The following GRK3 variants were observed in gnomAD, a reference collection of about 807,000 sequenced individuals.
The protein encoded by GRK3 is G protein-coupled receptor kinase 3.
GRK3 carries 54 observed loss-of-function variants against 95.7 expected under a neutral mutation model. The observed-to-expected ratio is 0.56, with a 90% CI of 0.45 to 0.71. The LOEUF is 0.71. Ranked by LOEUF, GRK3 falls within the 30% of genes least tolerant of loss-of-function variation. The pLI is 0.00. For missense variants in GRK3, 649 were observed against 851.2 expected (o/e 0.76, Z 2.96); for synonymous variants, 281 against 290.8 (o/e 0.97, Z 0.34).
At position 25,718,948 on chromosome 22, in the gene GRK3, A is replaced by G. The variant is rs554042312; in HGVS notation, c.1791+567A>G. Among the ~76,000 whole-genome samples, 40 of 152,358 alleles carry G rather than the reference A, an allele frequency of 2.6e-4. 1 individual carries two copies. The highest frequency in any genetic ancestry group is 2.2e-3 in the Admixed American group (34 of 15,308). On this transcript the variant is annotated intron_variant, in intron 19 of 20. Coordinates refer to ENST00000324198, the MANE Select transcript of GRK3 (RefSeq NM_005160.4). Reference sequence around the variant, plus strand: ...ATACAGAAAAAAAACAACACAGTCTAACGACTGTTTACATAGCATTTACGT... The same window carrying G: ...ATACAGAAAAAAAACAACACAGTCTGACGACTGTTTACATAGCATTTACGT...
At position 25,724,115 on chromosome 22, in the gene GRK3, A is replaced by AACACACACACACACACAC. The variant is rs60731107; in HGVS notation, c.*1684_*1701dup. ...AAGAATAGTATTCAAATTCTGTTGAAACACACACACACACACACACACACA... is the reference window on the plus strand; with the variant it reads ...AAGAATAGTATTCAAATTCTGTTGAAACACACACACACACACACACACACACACACACACACACACACA... On this transcript the variant is annotated 3_prime_UTR_variant, in exon 21 of 21. Coordinates refer to ENST00000324198, the MANE Select transcript of GRK3 (RefSeq NM_005160.4). 2.4e-4 allele frequency: 35 copies of AACACACACACACACACAC among 144,652 alleles called. No homozygotes were observed. The highest frequency in any genetic ancestry group is 8.6e-4 in the African/African-American group (34 of 39,410). 9.0% of individuals were successfully genotyped at this position (144,652 alleles called of 1,614,324 possible). A position where few individuals can be genotyped will look rare whatever the true frequency, so the allele number is the denominator to read the frequency against.
intron 13 of GRK3, among the ~76,000 whole-genome samples, chr22:25,696,074 A>G (rs1394694325): frequency 6.6e-6 from 1 of 152,012 alleles, no homozygotes; most frequent in Non-Finnish European, 1.5e-5. Context: ...TGACTGGGTG[A>G]TCCGCCTGCC....
chr22:25,617,221 T>G (rs964147213), intron 2 of GRK3, among the ~76,000 whole-genome samples: 4 of 152,230 alleles, frequency 2.6e-5, no homozygotes, highest in African/African-American at 9.7e-5. Flanking sequence ...AATTTGCTCT[T>G]TAGGAATTCA....
At chr22:25,683,679 G>T (rs931075605) in intron 9 of GRK3, among the ~76,000 whole-genome samples, 1 of 152,058 alleles carries the variant, frequency 6.6e-6, no homozygotes, top group Non-Finnish European at 1.5e-5. Flanking sequence ...ATCCTCTTAC[G>T]TGAATTGCCT....
intron 13 of GRK3, among the ~76,000 whole-genome samples, chr22:25,699,994 G>A (rs1342512898): frequency 6.6e-6 from 1 of 152,138 alleles, no homozygotes; most frequent in Non-Finnish European, 1.5e-5. Context: ...CCCCGCGCCC[G>A]GCCGCTCTGT....
chr22:25,692,533 C>T (rs190164384), intron 12 of GRK3, among the ~76,000 whole-genome samples: 3 of 152,350 alleles, frequency 2.0e-5, no homozygotes, highest in East Asian at 1.9e-4. Flanking sequence ...CAGACCTCCT[C>T]GAACGAGCAG....
chr22:25,575,328 G>T lies in GRK3; in HGVS notation c.113+10175G>T, dbSNP rs191982394. On this transcript the variant is annotated intron_variant, in intron 1 of 20. Coordinates refer to ENST00000324198, the MANE Select transcript of GRK3 (RefSeq NM_005160.4). ...TATGACTAGCTGGGGTAGCATAGATGATGGTGGAGCAGATAGAAACAGCAG... is the reference window on the plus strand; with the variant it reads ...TATGACTAGCTGGGGTAGCATAGATTATGGTGGAGCAGATAGAAACAGCAG... 3.3e-5 allele frequency among the ~76,000 whole-genome samples: 5 copies of T among 152,368 alleles called. No homozygotes were observed. In the East Asian group the frequency reaches 9.6e-4, roughly 29 times the overall value.
At chr22:25,659,263 G>C (rs1000425165) in intron 3 of GRK3, among the ~76,000 whole-genome samples, 37 of 152,194 alleles carry the variant, frequency 2.4e-4, no homozygotes, top group African/African-American at 8.2e-4. Context: ...CAACTGATTT[G>C]AATGCTGCTG....
At chr22:25,579,509 G>T (rs1414889780) in intron 1 of GRK3, among the ~76,000 whole-genome samples, 1 of 150,770 alleles carries the variant, frequency 6.6e-6, no homozygotes, top group Non-Finnish European at 1.5e-5. Context: ...GTCTCACTCT[G>T]TCCCCCAGGC....
intron 1 of GRK3, among the ~76,000 whole-genome samples, chr22:25,584,767 C>T (rs1932236079): frequency 6.6e-6 from 1 of 152,266 alleles, no homozygotes; most frequent in Non-Finnish European, 1.5e-5. Context: ...TTCAGGTATC[C>T]ACTGGCCTTG....
At chr22:25,693,676 G>A (rs1291078205) in intron 12 of GRK3, among the ~76,000 whole-genome samples, 1 of 151,894 alleles carries the variant, frequency 6.6e-6, no homozygotes, top group Non-Finnish European at 1.5e-5. Context: ...CTTAGACAGA[G>A]AGTACCAGAC....
chr22:25,608,102 C>A (rs974082408), intron 2 of GRK3, among the ~76,000 whole-genome samples: 9 of 152,170 alleles, frequency 5.9e-5, no homozygotes, highest in East Asian at 3.9e-4. Context: ...TTCTCATTGA[C>A]AATCATTGTC....
At chr22:25,697,787 T>C (rs1569200666) in intron 13 of GRK3, among the ~76,000 whole-genome samples, 1 of 152,212 alleles carries the variant, frequency 6.6e-6, no homozygotes, top group Non-Finnish European at 1.5e-5. Flanking sequence ...CTTGTCACTG[T>C]CTGGTGACCA....
rs2085458525 is a variant in GRK3, at chr22:25,724,408, A to T, written c.*1958A>T. ...GAGCTGCACAAACGTGTTCAGAAAG[A>T]TTATTCAACTTTCCCATACTTGTTC... On this transcript the variant is annotated 3_prime_UTR_variant, in exon 21 of 21. Coordinates refer to ENST00000324198, the MANE Select transcript of GRK3 (RefSeq NM_005160.4). The T allele has an allele frequency of 6.6e-6, 1 of 152,200 alleles. No homozygotes were observed. Among genetic ancestry groups the T allele is most frequent in the Admixed American group, 6.5e-5 (1 of 15,278 alleles). The allele number at this position is 152,200 out of a possible 1,614,324, so 9.4% of individuals were successfully genotyped here.
chr22:25,694,334 C>T (rs915188613), intron 12 of GRK3, among the ~76,000 whole-genome samples: 102 of 152,316 alleles, frequency 6.7e-4, no homozygotes, highest in African/African-American at 2.2e-3. Flanking sequence ...CCGGCTGCCT[C>T]GCATGCTTCC....
chr22:25,724,828 A>G lies in GRK3; in HGVS notation c.*2378A>G, dbSNP rs1246517325. 1 of 152,126 alleles carries G rather than the reference A, an allele frequency of 6.6e-6. No homozygotes were observed. Among genetic ancestry groups the G allele is most frequent in the Non-Finnish European group, 1.5e-5 (1 of 68,012 alleles). 9.4% of individuals were successfully genotyped at this position (152,126 alleles called of 1,614,324 possible). The stretch of plus-strand genomic sequence containing the variant: ...GGCCAGAGGAAAAGTCAGTTGGATT[A>G]AACATCATGGTATACTTGGCTGTTG... On this transcript the variant is annotated 3_prime_UTR_variant, in exon 21 of 21. Coordinates refer to ENST00000324198, the MANE Select transcript of GRK3 (RefSeq NM_005160.4).
rs1483123495 is a variant in GRK3 at position 25,723,757 on chromosome 22, C to T, written c.*1307C>T. ...TTAGTGTATGTCTTTACATTAACTA[C>T]TAACAGTATAAATAACTTGACATCG... On this transcript the variant is annotated 3_prime_UTR_variant, in exon 21 of 21. Transcript: ENST00000324198. The T allele has an allele frequency of 6.6e-6, 1 of 152,168 alleles. No individual in the cohort carries two copies. Among genetic ancestry groups the T allele is most frequent in the Admixed American group, 6.5e-5 (1 of 15,284 alleles). 9.4% of individuals were successfully genotyped at this position (152,168 alleles called of 1,614,324 possible).
intron 13 of GRK3, among the ~76,000 whole-genome samples, chr22:25,695,835 ATTT>A (rs1191151827): frequency 7.5e-6 from 1 of 133,528 alleles, no homozygotes. Context: ...CACCCGGCTA[ATTT>A]TTTTTTTTTT....
intron 7 of GRK3, among the ~76,000 whole-genome samples, chr22:25,673,992 A>G (rs2085006064): frequency 6.6e-6 from 1 of 151,962 alleles, no homozygotes. Flanking sequence ...GAACACATAG[A>G]TGCCCCTGAC....
Sources: allele counts gnomAD v4.1 joint callset (sites outside exome capture counted in the v4.1 genomes callset), GRCh38; gene constraint gnomAD v4.1.1; transcripts MANE v1.5; gene names NCBI Gene and HGNC (gene_info 2026-07-23, HGNC 2026-07-21).